Variants in MAP3K3 observed in about 807,000 individuals in gnomAD.
MAP3K3 encodes the protein MAP/ERK kinase kinase 3.
In MAP3K3, 12 loss-of-function variants were observed where a neutral mutation model predicts 80.9. The ratio of observed to expected loss-of-function variants is 0.15; its 90% confidence interval spans 0.10 to 0.24. The LOEUF (loss-of-function observed/expected upper bound fraction) is 0.24, where lower values mean the gene tolerates loss of function less well. Among genes scored for constraint, MAP3K3 ranks in the 10% least tolerant of loss-of-function variants. MAP3K3 has a pLI of 1.00. For missense variants in MAP3K3, 596 were observed against 834.7 expected (o/e 0.71, Z 3.52); for synonymous variants, 272 against 307.1 (o/e 0.89, Z 1.19).
chr17:63,679,617 G>C (rs1248064956), intron 6 of MAP3K3, among the ~76,000 whole-genome samples: 1 of 152,026 alleles, frequency 6.6e-6, no homozygotes, highest in African/African-American at 2.4e-5. Context: ...CAAGTAGCTG[G>C]GTCCACAAGT....
At chr17:63,655,289 G>A (rs959117177) in intron 4 of MAP3K3, among the ~76,000 whole-genome samples, 1 of 152,048 alleles carries the variant, frequency 6.6e-6, no homozygotes. Flanking sequence ...AACCACCCCC[G>A]TGATTCAGTT....
chr17:63,691,660 G>A lies in MAP3K3; in HGVS notation c.1345-73G>A. On this transcript the variant is annotated intron_variant, in intron 13 of 15. Transcript: ENST00000361733. This position sits in a 1 kb window ranked among gnomAD's most constrained non-coding sequence, Gnocchi z 4.8. ...CAAATCACTCCTTTGCTGCCATGCT[G>A]GGGGCTGGAATGGGCTTGCCCCTCC... is the stretch of plus-strand genomic sequence containing the variant. The A allele has an allele frequency of 6.4e-7, 1 of 1,564,028 alleles. No individual in the cohort carries two copies. Among genetic ancestry groups the A allele is most frequent in the Non-Finnish European group, 8.7e-7 (1 of 1,149,656 alleles).
intron 7 of MAP3K3, among the ~76,000 whole-genome samples, chr17:63,684,700 C>T (rs1308629954): frequency 1.3e-5 from 2 of 152,088 alleles, no homozygotes; most frequent in Non-Finnish European, 2.9e-5. Context: ...CTATGTTGCC[C>T]AGGCTGGTCT....
intron 7 of MAP3K3, 98 bp from the exon 8 acceptor site, chr17:63,685,419 G>A: frequency 1.1e-6 from 1 of 897,746 alleles, no homozygotes; most frequent in Non-Finnish European, 1.9e-6. Context: ...TTCATGTTTT[G>A]ACAAAAAGGC....
At chr17:63,640,693 A>C (rs1329086378) in intron 2 of MAP3K3, among the ~76,000 whole-genome samples, 3 of 152,196 alleles carry the variant, frequency 2.0e-5, no homozygotes, top group Non-Finnish European at 2.9e-5. Flanking sequence ...ATAGACTCCA[A>C]ATCTCAGTGA....
At chr17:63,651,845 T>A (rs753465322) in intron 3 of MAP3K3, among the ~76,000 whole-genome samples, 3 of 152,158 alleles carry the variant, frequency 2.0e-5, no homozygotes, top group African/African-American at 7.2e-5. Flanking sequence ...TTCCTGTGAC[T>A]CTGTAGTAGA....
At chr17:63,663,481 G>A (rs1364572719) in intron 5 of MAP3K3, among the ~76,000 whole-genome samples, 3 of 150,402 alleles carry the variant, frequency 2.0e-5, no homozygotes, top group Admixed American at 6.6e-5. Flanking sequence ...CAGCCTGGGC[G>A]ATGAGCGAAA....
At chr17:63,643,530 A>AATG (rs1428567073) in intron 2 of MAP3K3, among the ~76,000 whole-genome samples, 2 of 151,746 alleles carry the variant, frequency 1.3e-5, no homozygotes, top group African/African-American at 4.9e-5. Flanking sequence ...CAATAATAAT[A>AATG]ATAGGGGAAA....
At chr17:63,679,551 C>T (rs1268149558) in intron 6 of MAP3K3, among the ~76,000 whole-genome samples, 2 of 152,176 alleles carry the variant, frequency 1.3e-5, no homozygotes, top group Admixed American at 1.3e-4. Context: ...GGTCCAAACA[C>T]GGCTCACTGC....
rs2035524791 is a variant in MAP3K3 at position 63,689,048 on chromosome 17, G to T, written c.871+167G>T. 1.6e-6 allele frequency: 1 copy of T among 612,836 alleles called. No individual in the cohort carries two copies. Among genetic ancestry groups the T allele is most frequent in the African/African-American group, 1.9e-5 (1 of 54,048 alleles). The allele number at this position is 612,836 out of a possible 1,614,324, so 38.0% of individuals were successfully genotyped here. A position where few individuals can be genotyped will look rare whatever the true frequency, so the allele number is the denominator to read the frequency against. On this transcript the variant is annotated intron_variant, in intron 10 of 15. Transcript: ENST00000361733. The surrounding 1 kb of genome is among the most constrained non-coding windows in gnomAD (Gnocchi z 4.3). ...GGAAAAAAACAAAAACAAAAACAGG[G>T]AAGATAGTATTTGTAGACCAGATGC...
At chr17:63,688,219 T>A (rs954638516) in intron 8 of MAP3K3, 4 of 457,940 alleles carry the variant, frequency 8.7e-6, no homozygotes, top group Admixed American at 7.3e-5. Context: ...CAAAGGATTC[T>A]CTTGGAGCTC....
intron 2 of MAP3K3, among the ~76,000 whole-genome samples, chr17:63,644,428 C>G (rs1339875018): frequency 6.6e-6 from 1 of 152,182 alleles, no homozygotes; most frequent in African/African-American, 2.4e-5. Context: ...GTTGGCCAGG[C>G]TGGTCTCAAA....
At chr17:63,625,353 C>T (rs1406925057) in intron 1 of MAP3K3, among the ~76,000 whole-genome samples, 1 of 151,824 alleles carries the variant, frequency 6.6e-6, no homozygotes, top group Admixed American at 6.6e-5. Context: ...TTTTCTTGGT[C>T]ACTCCAGAAT....
chr17:63,625,710 T>A (rs900665811), intron 1 of MAP3K3, among the ~76,000 whole-genome samples: 2 of 152,230 alleles, frequency 1.3e-5, no homozygotes, highest in African/African-American at 2.4e-5. Flanking sequence ...AATCACAGTT[T>A]AATAAATCAA....
At position 63,689,285 on chromosome 17, in the gene MAP3K3, A is replaced by G. The variant is rs2035530770; in HGVS notation, c.872-259A>G. On this transcript the variant is annotated intron_variant, in intron 10 of 15. Coordinates refer to ENST00000361733, the MANE Select transcript of MAP3K3 (RefSeq NM_002401.5). The surrounding 1 kb of genome is among the most constrained non-coding windows in gnomAD (Gnocchi z 4.3). ...CCAGCCATACACCTTCCCTTTGGCC[A>G]GATCTCCCTGAACCAGACTACTTCC... 2 of 549,934 alleles carry G rather than the reference A, an allele frequency of 3.6e-6. No homozygotes were observed. Among genetic ancestry groups the G allele is most frequent in the Non-Finnish European group, 6.5e-6 (2 of 308,696 alleles). 34.1% of individuals were successfully genotyped at this position (549,934 alleles called of 1,614,324 possible).
In MAP3K3 at chr17:63,681,755, A is replaced by T; in HGVS notation, c.503-11A>T. On this transcript the variant is annotated splice_polypyrimidine_tract_variant and intron_variant, in intron 6 of 15. Coordinates refer to ENST00000361733, the MANE Select transcript of MAP3K3 (RefSeq NM_002401.5). ...GGCTCTGTTGTTGAAAGCCTCCTTT[A>T]TGTGCTCTAGGCTCCCAGAACCCTG... 1 of 1,441,566 alleles carries T rather than the reference A, an allele frequency of 6.9e-7. No homozygotes were observed. Among genetic ancestry groups the T allele is most frequent in the Non-Finnish European group, 9.2e-7 (1 of 1,087,118 alleles). The allele number at this position is 1,441,566 out of a possible 1,614,324, so 89.3% of individuals were successfully genotyped here. A position where few individuals can be genotyped will look rare whatever the true frequency, so the allele number is the denominator to read the frequency against.
intron 1 of MAP3K3, among the ~76,000 whole-genome samples, chr17:63,627,749 A>AT (rs2034131484): frequency 6.6e-6 from 1 of 150,814 alleles, no homozygotes; most frequent in African/African-American, 2.4e-5. Flanking sequence ...GCCATGACTA[A>AT]TTTTTTGTAT....
At chr17:63,640,868 A>AC (rs1182762825) in intron 2 of MAP3K3, among the ~76,000 whole-genome samples, 1 of 152,042 alleles carries the variant, frequency 6.6e-6, no homozygotes, top group Non-Finnish European at 1.5e-5. Flanking sequence ...CTAGGGACAA[A>AC]CCCCCCAAAC....
chr17:63,675,784 A>C (rs1459855166), intron 6 of MAP3K3, among the ~76,000 whole-genome samples: 1 of 152,230 alleles, frequency 6.6e-6, no homozygotes, highest in African/African-American at 2.4e-5. Context: ...TACCAGGGAA[A>C]GGTGTCCCAA....
Sources: gnomAD v4.1 joint callset for allele counts (sites outside exome capture counted in the v4.1 genomes callset) on GRCh38, gnomAD v4.1.1 for gene constraint, Gnocchi (gnomAD v3.1) non-coding constraint, MANE v1.5 for transcripts, NCBI Gene and HGNC (gene_info 2026-07-23, HGNC 2026-07-21) for gene names.